Variants in AMBRA1 observed in about 807,000 individuals in gnomAD.
The protein encoded by AMBRA1 is autophagy and beclin 1 regulator 1, also known as activating molecule in BECN1-regulated autophagy protein 1.
Under a neutral mutation model 125.4 loss-of-function variants are expected in AMBRA1, and 47 were observed. The ratio of observed to expected loss-of-function variants is 0.37; its 90% confidence interval spans 0.30 to 0.48. AMBRA1 has a LOEUF of 0.48. Ranked by LOEUF, AMBRA1 falls within the 20% of genes least tolerant of loss-of-function variation. The pLI is 0.99. For synonymous variants in AMBRA1, 626 were observed against 655.5 expected, an observed-to-expected ratio of 0.95 and a Z score of 0.69; for missense variants, 1,331 against 1,693.4, an observed-to-expected ratio of 0.79 and a Z score of 3.76.
chr11:46,427,290 T>G (rs1337297070), intron 14 of AMBRA1, among the ~76,000 whole-genome samples: 1 of 152,218 alleles, frequency 6.6e-6, no homozygotes, highest in Admixed American at 6.5e-5. Context: ...CCAAGTTTTT[T>G]CTATGGTTCA....
At chr11:46,570,655 G>A (rs2043724976) in intron 1 of AMBRA1, among the ~76,000 whole-genome samples, 1 of 152,032 alleles carries the variant, frequency 6.6e-6, no homozygotes. Flanking sequence ...TTTGATTGCT[G>A]TTAATATTTT....
intron 3 of AMBRA1, 39 bp from the exon 4 acceptor site, chr11:46,547,335 T>A: frequency 6.5e-7 from 1 of 1,549,986 alleles, no homozygotes; most frequent in Non-Finnish European, 8.7e-7. Flanking sequence ...CAGAAGCATG[T>A]GGAAGGGTAA....
At chr11:46,529,851 C>A (rs1384115500) in intron 7 of AMBRA1, among the ~76,000 whole-genome samples, 1 of 152,122 alleles carries the variant, frequency 6.6e-6, no homozygotes, top group Non-Finnish European at 1.5e-5. Flanking sequence ...CCCATGAAAG[C>A]AAAATTTGCT....
intron 17 of AMBRA1, 69 bp from the exon 18 acceptor site, chr11:46,398,012 C>T: frequency 6.6e-7 from 1 of 1,513,400 alleles, no homozygotes; most frequent in Non-Finnish European, 8.8e-7. Context: ...AGGTGGGCAG[C>T]CACCGGTAGC....
At chr11:46,543,885 G>A (rs1952872437) in intron 6 of AMBRA1, 90 bp downstream of exon 6, 1 of 1,078,150 alleles carries the variant, frequency 9.3e-7, no homozygotes, top group African/African-American at 1.6e-5. Context: ...TGGGTATTGA[G>A]AATTAAAATC....
intron 9 of AMBRA1, among the ~76,000 whole-genome samples, chr11:46,496,489 A>T (rs1386965186): frequency 6.6e-6 from 1 of 152,222 alleles, no homozygotes. Context: ...CCAGAATCAC[A>T]TTACAGAGCT....
chr11:46,458,403 C>T (rs1237787780), intron 11 of AMBRA1, among the ~76,000 whole-genome samples: 2 of 152,120 alleles, frequency 1.3e-5, no homozygotes, highest in Non-Finnish European at 2.9e-5. Flanking sequence ...AGCTGTTTTT[C>T]ATAACACAAA....
chr11:46,509,856 G>A (rs1951192312), intron 8 of AMBRA1, among the ~76,000 whole-genome samples: 2 of 151,964 alleles, frequency 1.3e-5, no homozygotes, highest in South Asian at 2.1e-4. Context: ...ATAGATTTTC[G>A]GTTTTTTAAT....
chr11:46,575,950 C>T (rs1194489137), intron 1 of AMBRA1, among the ~76,000 whole-genome samples: 1 of 152,172 alleles, frequency 6.6e-6, no homozygotes, highest in Non-Finnish European at 1.5e-5. Flanking sequence ...ATAACATGTT[C>T]CCATTTCTTC....
intron 12 of AMBRA1, among the ~76,000 whole-genome samples, chr11:46,443,011 C>T (rs1008205002): frequency 6.6e-5 from 10 of 152,038 alleles, no homozygotes; most frequent in Non-Finnish European, 1.0e-4. Context: ...CGTGAGCCAC[C>T]GCACCCAGCC....
chr11:46,543,038 C>T lies in AMBRA1; in HGVS notation c.979G>A (p.Asp327Asn), dbSNP rs763048096. The T allele has an allele frequency of 6.3e-7, 1 of 1,599,190 alleles. No individual in the cohort carries two copies. Among genetic ancestry groups the T allele is most frequent in the South Asian group, 1.1e-5 (1 of 91,076 alleles). ...CTGGCAGAAGCAGGGGGGACACTGT[C>T]CTGGTGTGGCAAGAGGGAAGGAACT... is the stretch of plus-strand genomic sequence containing the variant. Reference protein sequence around the residue: ...TRVPSLLPHQDSVPPASARAT... With the variant: ...TRVPSLLPHQNSVPPASARAT... The change falls in exon 7 of 18, where the codon GAC becomes AAC. Residue 327 changes from aspartate to asparagine, a missense_variant. Transcript: ENST00000683756.
In AMBRA1 at chr11:46,397,300, C is replaced by A. The variant is rs1565111206; in HGVS notation, c.*150G>T. ...TGCCCATTTGACTGTCTTGTGCCCA[C>A]TGACTGATCTTCCTCTCCACCCTGA... On this transcript the variant is annotated 3_prime_UTR_variant, in exon 18 of 18. Coordinates refer to ENST00000683756, the MANE Select transcript of AMBRA1 (RefSeq NM_001387011.1). 8.8e-7 allele frequency: 1 copy of A among 1,133,536 alleles called. No individual in the cohort carries two copies. Among genetic ancestry groups the A allele is most frequent in the Non-Finnish European group, 1.2e-6 (1 of 863,874 alleles). 70.2% of individuals were successfully genotyped at this position (1,133,536 alleles called of 1,614,324 possible). A position where few individuals can be genotyped will look rare whatever the true frequency, so the allele number is the denominator to read the frequency against.
chr11:46,477,740 G>A (rs1462879774), intron 11 of AMBRA1, among the ~76,000 whole-genome samples: 1 of 151,970 alleles, frequency 6.6e-6, no homozygotes, highest in Non-Finnish European at 1.5e-5. Context: ...GCCCATCAGC[G>A]ACTGAGGTGG....
In AMBRA1 at chr11:46,397,453, C is replaced by T; in HGVS notation, c.3894G>A (p.Arg1298=). Residue 1298 remains arginine, a synonymous_variant, in exon 18 of 18, where the codon AGG becomes AGA. Coordinates refer to ENST00000683756, the MANE Select transcript of AMBRA1 (RefSeq NM_001387011.1). The part of the protein sequence containing the change: ...AAGPRGEPRN[R] ...GGCACCAGTGCAACGTTTGTCTCTA[C>T]CTGTTCCGTGGTTCTCCCCTAGGGC... 1 of 1,504,396 alleles carries T rather than the reference C, an allele frequency of 6.6e-7. No homozygotes were observed. The highest frequency in any genetic ancestry group is 8.9e-7 in the Non-Finnish European group (1 of 1,125,168). The allele number at this position is 1,504,396 out of a possible 1,614,324, so 93.2% of individuals were successfully genotyped here. A position where few individuals can be genotyped will look rare whatever the true frequency, so the allele number is the denominator to read the frequency against.
In AMBRA1 at chr11:46,509,798, T is replaced by C. The variant is rs1381784824; in HGVS notation, c.2160-1428A>G. ...ATCCTAATGAGGATTCCTGGGACTT[T>C]TGTATTTTATATACTTCCATAATGT... On this transcript the variant is annotated intron_variant, in intron 8 of 17. Transcript: ENST00000683756. 1.2e-4 allele frequency among the ~76,000 whole-genome samples: 19 copies of C among 152,302 alleles called. No individual in the cohort carries two copies. The South Asian group carries it at 1.5e-3, about 12-fold the overall frequency.
intron 17 of AMBRA1, among the ~76,000 whole-genome samples, chr11:46,399,603 G>A (rs973244090): frequency 6.6e-6 from 1 of 151,332 alleles, no homozygotes; most frequent in Non-Finnish European, 1.5e-5. Context: ...GACTTCAGGC[G>A]ATCCGCCCAC....
chr11:46,497,393 G>A (rs1042279925), intron 9 of AMBRA1, among the ~76,000 whole-genome samples: 2 of 152,130 alleles, frequency 1.3e-5, no homozygotes, highest in African/African-American at 4.8e-5. Context: ...GTAAGGGGAG[G>A]TGCTCATGCT....
chr11:46,593,424 G>C (rs532874168), intron 1 of AMBRA1, among the ~76,000 whole-genome samples: 5 of 152,122 alleles, frequency 3.3e-5, no homozygotes, highest in Admixed American at 3.3e-4. Context: ...CCTACTCAAA[G>C]GTCCCTTCAA....
At chr11:46,488,213 T>C (rs1404097297) in intron 11 of AMBRA1, among the ~76,000 whole-genome samples, 3 of 152,170 alleles carry the variant, frequency 2.0e-5, no homozygotes, top group African/African-American at 7.2e-5. Flanking sequence ...TCCAGCACTT[T>C]GGGAAGCTGG....
Sources: gnomAD v4.1 joint callset for allele counts (sites outside exome capture counted in the v4.1 genomes callset) on GRCh38, gnomAD v4.1.1 for gene constraint, MANE v1.5 for transcripts, NCBI Gene and HGNC (gene_info 2026-07-23, HGNC 2026-07-21) for gene names.